MAF: variants seen among roughly 807,000 people sequenced by gnomAD.
MAF encodes the protein transcription factor Maf.
In MAF, 10 loss-of-function variants were observed where a neutral mutation model predicts 22.0. That is an observed-to-expected ratio of 0.45 (90% CI 0.28 to 0.77). The LOEUF (loss-of-function observed/expected upper bound fraction) is 0.77, where lower values mean the gene tolerates loss of function less well. Among genes scored for constraint, MAF ranks in the 30% least tolerant of loss-of-function variants. The pLI is 0.12. For synonymous variants in MAF, 337 were observed against 255.8 expected, an observed-to-expected ratio of 1.32 and a Z score of -3.03; for missense variants, 544 against 548.4, an observed-to-expected ratio of 0.99 and a Z score of 0.08.
the MAF span, among the ~76,000 whole-genome samples, chr16:79,559,551 G>A: frequency 6.6e-6 from 1 of 152,052 alleles, no homozygotes; most frequent in Non-Finnish European, 1.5e-5. Flanking sequence ...TGATTGAAAA[G>A]CTTGAGGCTT....
the MAF span, among the ~76,000 whole-genome samples, chr16:79,279,306 T>A: frequency 1.3e-5 from 2 of 152,258 alleles, no homozygotes; most frequent in African/African-American, 4.8e-5. Context: ...ACTGTCCTCT[T>A]TTGGAAAGTG....
chr16:79,338,482 A>G, the MAF span, among the ~76,000 whole-genome samples: 1 of 152,226 alleles, frequency 6.6e-6, no homozygotes, highest in Admixed American at 6.5e-5. Flanking sequence ...GCAACAATCT[A>G]CTATGCTTTA....
At chr16:79,568,682 G>C in the MAF span, among the ~76,000 whole-genome samples, 1 of 152,158 alleles carries the variant, frequency 6.6e-6, no homozygotes, top group Non-Finnish European at 1.5e-5. Context: ...CTGTTCCTGA[G>C]TCCTTGCCAC....
the MAF span, among the ~76,000 whole-genome samples, chr16:79,457,104 G>A: frequency 6.6e-6 from 1 of 152,112 alleles, no homozygotes; most frequent in Admixed American, 6.6e-5. Flanking sequence ...AATCACAAGT[G>A]TTGATTTGTC....
chr16:79,215,327 C>A, the MAF span, among the ~76,000 whole-genome samples: 1 of 152,020 alleles, frequency 6.6e-6, no homozygotes, highest in Non-Finnish European at 1.5e-5. Context: ...AGCAATCCTC[C>A]CATTACAGGC....
At chr16:79,239,043 A>G in the MAF span, among the ~76,000 whole-genome samples, 10,971 of 152,046 alleles carry the variant, frequency 0.072, 584 homozygotes, top group Middle Eastern at 0.15. Flanking sequence ...TCTCTAGATC[A>G]GGTTCTCATA....
chr16:79,349,573 G>T, the MAF span, among the ~76,000 whole-genome samples: 3 of 152,316 alleles, frequency 2.0e-5, no homozygotes, highest in African/African-American at 7.2e-5. Context: ...GGTCTGCTCA[G>T]GAACATACGG....
the MAF span, among the ~76,000 whole-genome samples, chr16:79,501,544 C>A: frequency 1.7e-4 from 26 of 151,278 alleles, no homozygotes; most frequent in African/African-American, 6.2e-4. Context: ...ACATTGCATT[C>A]AAAGTCTAAG....
At chr16:79,557,832 G>A in the MAF span, among the ~76,000 whole-genome samples, 344 of 152,148 alleles carry the variant, frequency 2.3e-3, 1 homozygote, top group Non-Finnish European at 3.7e-3. Context: ...ATCCCAATAA[G>A]TTGAGCATTA....
the MAF span, among the ~76,000 whole-genome samples, chr16:79,569,839 C>G: frequency 6.6e-6 from 1 of 152,132 alleles, no homozygotes; most frequent in Admixed American, 6.5e-5. Context: ...GAGCTGTCCC[C>G]GGCTCTTAGG....
the MAF span, among the ~76,000 whole-genome samples, chr16:79,547,402 A>G: frequency 2.6e-4 from 39 of 152,174 alleles, no homozygotes; most frequent in Non-Finnish European, 4.6e-4. Flanking sequence ...TCACACACAC[A>G]CATACAATCA....
chr16:79,400,204 T>A, the MAF span, among the ~76,000 whole-genome samples: 1 of 152,156 alleles, frequency 6.6e-6, no homozygotes, highest in Admixed American at 6.5e-5. Context: ...AAGAATGAAT[T>A]GTCCCAAAAT....
chr16:79,403,868 T>G, the MAF span, among the ~76,000 whole-genome samples: 1 of 152,144 alleles, frequency 6.6e-6, no homozygotes, highest in Non-Finnish European at 1.5e-5. Flanking sequence ...AGAGAGCCTT[T>G]CTTTGTGGCA....
chr16:79,287,015 C>T, the MAF span, among the ~76,000 whole-genome samples: 28,399 of 152,130 alleles, frequency 0.19, 3,175 homozygotes, highest in East Asian at 0.54. Flanking sequence ...GTGAGCGTCC[C>T]CTTCGCGTTA....
At chr16:79,447,401 G>C in the MAF span, among the ~76,000 whole-genome samples, 1 of 151,504 alleles carries the variant, frequency 6.6e-6, no homozygotes, top group Non-Finnish European at 1.5e-5. Flanking sequence ...GGTCATTCAA[G>C]AGCTCTGATG....
the MAF span, among the ~76,000 whole-genome samples, chr16:79,376,100 T>C: frequency 6.7e-5 from 9 of 133,742 alleles, no homozygotes; most frequent in East Asian, 1.8e-3. Context: ...ATTCTAAGTA[T>C]TGTTGGAGAG....
the MAF span, among the ~76,000 whole-genome samples, chr16:79,296,415 C>T: frequency 0.041 from 6,179 of 152,054 alleles, 146 homozygotes; most frequent in South Asian, 0.071. Context: ...CTAATGCATG[C>T]GGGGTGTAGT....
chr16:79,450,924 C>A, the MAF span, among the ~76,000 whole-genome samples: 4,385 of 152,058 alleles, frequency 0.029, 55 homozygotes, highest in Middle Eastern at 0.044. Flanking sequence ...ATTACCATAG[C>A]AGAGAATAGA....
At chr16:79,249,982 T>C in the MAF span, among the ~76,000 whole-genome samples, 1 of 152,246 alleles carries the variant, frequency 6.6e-6, no homozygotes, top group Admixed American at 6.5e-5. Flanking sequence ...GGGTTAATTT[T>C]TCTCCTCAAT....
Sources: gnomAD v4.1 joint callset for allele counts (sites outside exome capture counted in the v4.1 genomes callset) on GRCh38, gnomAD v4.1.1 for gene constraint, MANE v1.5 for transcripts, NCBI Gene and HGNC (gene_info 2026-07-23, HGNC 2026-07-21) for gene names.